SMTNL1: variants seen among roughly 807,000 people sequenced by gnomAD.
SMTNL1 encodes the protein smoothelin like 1.
In SMTNL1, 41 loss-of-function variants were observed where a neutral mutation model predicts 46.6. The ratio of observed to expected loss-of-function variants is 0.88; its 90% CI spans 0.69 to 1.14. The LOEUF is 1.14. Ranked by LOEUF, SMTNL1 falls within the 50% of genes most tolerant of loss-of-function variation. SMTNL1 has a pLI of 0.00. For missense variants in SMTNL1, 591 were observed against 626.1 expected, an observed-to-expected ratio of 0.94 and a Z score of 0.60; for synonymous variants, 234 against 234.2, an observed-to-expected ratio of 1.00 and a Z score of 0.01.
intron 7 of SMTNL1, among the ~76,000 whole-genome samples, chr11:57,547,367 T>C (rs775195312): frequency 6.6e-6 from 1 of 152,114 alleles, no homozygotes; most frequent in Non-Finnish European, 1.5e-5. Flanking sequence ...ACAGGAGGCA[T>C]CAGGCAGCTG....
chr11:57,548,910 C>T (rs950809607), intron 7 of SMTNL1, among the ~76,000 whole-genome samples: 3 of 152,158 alleles, frequency 2.0e-5, no homozygotes, highest in African/African-American at 7.2e-5. Flanking sequence ...GAGGGCCTGG[C>T]ACATAATAGG....
chr11:57,549,856 A>G (rs1045908940), intron 7 of SMTNL1, 112 bp from the exon 8 acceptor site: 7 of 1,156,440 alleles, frequency 6.1e-6, no homozygotes, highest in African/African-American at 1.5e-5. Context: ...CAGCCCCAAC[A>G]TCCCAGCCCA....
chr11:57,549,577 G>T (rs1034326217), intron 7 of SMTNL1, among the ~76,000 whole-genome samples: 2 of 152,028 alleles, frequency 1.3e-5, no homozygotes, highest in Non-Finnish European at 2.9e-5. Context: ...GTCTCACTAG[G>T]TTGTCCAGGC....
At position 57,546,349 on chromosome 11, in the gene SMTNL1, T is replaced by C. The variant is rs1944923614; in HGVS notation, c.1188+2T>C. 6.9e-7 allele frequency: 1 copy of C among 1,444,924 alleles called. No homozygotes were observed. The highest frequency in any genetic ancestry group is 2.1e-5 in the Admixed American group (1 of 48,274). 89.5% of individuals were successfully genotyped at this position (1,444,924 alleles called of 1,614,324 possible). A position where few individuals can be genotyped will look rare whatever the true frequency, so the allele number is the denominator to read the frequency against. On this transcript the variant is annotated splice_donor_variant, in intron 6 of 7. Transcript: ENST00000527972. LOFTEE classifies it high-confidence loss of function. ...CGAGCCATGACAAAAAAATACGAGG[T>C]GGGCATGGGGCAGAGCTGCGTGGGT...
intron 1 of SMTNL1, chr11:57,541,696 C>T (rs1944879185): frequency 2.8e-6 from 2 of 711,788 alleles, no homozygotes; most frequent in African/African-American, 3.7e-5. Flanking sequence ...TTTTTATACA[C>T]CACCTCTATA....
intron 4 of SMTNL1, 77 bp from the exon 5 acceptor site, chr11:57,545,804 A>G: frequency 1.4e-6 from 1 of 736,200 alleles, no homozygotes; most frequent in South Asian, 1.7e-5. Flanking sequence ...CCCACCCTCC[A>G]GCCCCACAGC....
At chr11:57,545,801 T>A (rs1944916130) in intron 4 of SMTNL1, 80 bp from the exon 5 acceptor site, 3,364 of 521,154 alleles carry the variant, frequency 6.5e-3, no homozygotes, top group Non-Finnish European at 0.01. Flanking sequence ...CCACCCACCC[T>A]CCAGCCCCAC....
chr11:57,545,935 G>C lies in SMTNL1; in HGVS notation c.972G>C (p.Gly324=). 2.5e-6 allele frequency: 4 copies of C among 1,613,654 alleles called. 1 individual carries two copies. The highest frequency in any genetic ancestry group is 3.4e-6 in the Non-Finnish European group (4 of 1,179,750). ...PQSPPESPSS[G]EKKEKAPERR... is the part of the protein sequence containing the mutation. The stretch of plus-strand genomic sequence containing the variant: ...GTCCCCCTGAGTCCCCTTCCTCAGG[G>C]GAGAAGAAGGAGAAGGCACCAGAGC... Residue 324 remains glycine (G), a synonymous_variant, in exon 5 of 8, where the codon GGG becomes GGC. Coordinates refer to ENST00000527972, the MANE Select transcript of SMTNL1 (RefSeq NM_001105565.3).
chr11:57,544,222 A>C (rs1944905116), intron 4 of SMTNL1, among the ~76,000 whole-genome samples: 1 of 152,210 alleles, frequency 6.6e-6, no homozygotes, highest in South Asian at 2.1e-4. Context: ...TCTACCAAAA[A>C]TACAAAAATT....
At chr11:57,549,901 C>A (rs1225626662) in intron 7 of SMTNL1, 67 bp from the exon 8 acceptor site, 5 of 1,574,500 alleles carry the variant, frequency 3.2e-6, no homozygotes, top group African/African-American at 2.7e-5. Context: ...GCTGCCTGCA[C>A]CCATCCCCTT....
At position 57,545,992 on chromosome 11, in the gene SMTNL1, G is replaced by T; in HGVS notation, c.1029G>T (p.Gly343=). 2 of 1,606,090 alleles carry T rather than the reference G, an allele frequency of 1.2e-6. No homozygotes were observed. Among genetic ancestry groups the T allele is most frequent in the Non-Finnish European group, 1.7e-6 (2 of 1,176,854 alleles). The stretch of plus-strand genomic sequence containing the variant: ...TATCAGCCCCTGCTCGGCCCCGGGG[G>T]CCCCGGGCACAGAACCGCAAAGCCA... ...RRVSAPARPR[G]PRAQNRKAIV... Residue 343 remains glycine, a synonymous_variant, in exon 5 of 8, where the codon GGG becomes GGT. Transcript: ENST00000527972.
rs1488036397 is a variant in SMTNL1 at position 57,543,018 on chromosome 11, G to A, written c.376G>A (p.Glu126Lys). ...EETKSEPKEA[E>K]EKESTLASEK... is the part of the protein sequence containing the mutation. ...GACCAAATCTGAACCCAAAGAGGCT[G>A]AGGAAAAGGAGAGCACGCTGGCCTC... Residue 126 changes from glutamate to lysine, a missense_variant, in exon 2 of 8, where the codon GAG (glutamate) becomes AAG (lysine). Glu to Lys is a moderately conservative substitution (Grantham distance 56, BLOSUM62 1). Coordinates refer to ENST00000527972, the MANE Select transcript of SMTNL1 (RefSeq NM_001105565.3). The A allele has an allele frequency of 1.7e-5, 28 of 1,602,826 alleles. No homozygotes were observed. The highest frequency in any genetic ancestry group is 2.2e-5 in the Non-Finnish European group (26 of 1,174,656).
chr11:57,549,148 C>T (rs1944941226), intron 7 of SMTNL1, among the ~76,000 whole-genome samples: 2 of 152,032 alleles, frequency 1.3e-5, no homozygotes, highest in South Asian at 4.2e-4. Context: ...GCCTCAGCCT[C>T]CCGAGTAACT....
At chr11:57,549,866 A>C in intron 7 of SMTNL1, 102 bp from the exon 8 acceptor site, 1 of 1,296,444 alleles carries the variant, frequency 7.7e-7, no homozygotes. Context: ...ATCCCAGCCC[A>C]TCCTATGGGC....
At chr11:57,546,789 C>A in intron 7 of SMTNL1, 137 bp downstream of exon 7, 1 of 1,162,628 alleles carries the variant, frequency 8.6e-7, no homozygotes, top group Non-Finnish European at 1.2e-6. Flanking sequence ...TTTTGAGGGC[C>A]AGGCACTGTT....
intron 7 of SMTNL1, among the ~76,000 whole-genome samples, 181 bp from the exon 8 acceptor site, chr11:57,549,787 T>C (rs563671510): frequency 3.0e-4 from 46 of 152,302 alleles, no homozygotes; most frequent in African/African-American, 1.1e-3. Flanking sequence ...CTTAACTCTG[T>C]TGGGGTCTCA....
intron 7 of SMTNL1, among the ~76,000 whole-genome samples, chr11:57,548,048 C>T (rs2729367): frequency 0.46 from 69,293 of 151,906 alleles, 16,209 homozygotes; most frequent in East Asian, 0.73. Flanking sequence ...TCTGAGTCTC[C>T]GCTTCCTCTT....
chr11:57,545,348 T>TAATC, intron 4 of SMTNL1, among the ~76,000 whole-genome samples: 1 of 151,920 alleles, frequency 6.6e-6, no homozygotes, highest in Non-Finnish European at 1.5e-5. Flanking sequence ...CTCACACCTA[T>TAATC]AATCCCAGCA....
intron 6 of SMTNL1, 30 bp downstream of exon 6, chr11:57,546,377 G>A (rs1193290230): frequency 1.3e-6 from 2 of 1,578,218 alleles, no homozygotes; most frequent in East Asian, 2.3e-5. Flanking sequence ...GCGTGGGTGG[G>A]GCAGGGGTCC....
Sources: allele counts gnomAD v4.1 joint callset (sites outside exome capture counted in the v4.1 genomes callset), GRCh38; gene constraint gnomAD v4.1.1; transcripts MANE v1.5; gene names NCBI Gene and HGNC (gene_info 2026-07-23, HGNC 2026-07-21).